Variants in SWT1 observed in about 807,000 individuals in gnomAD.
SWT1 encodes the protein transcriptional protein SWT1.
SWT1 carries 33 observed loss-of-function variants against 107.3 expected under a neutral mutation model. The observed-to-expected ratio is 0.31, with a 90% CI of 0.23 to 0.41. SWT1 has a LOEUF of 0.41. Among genes scored for constraint, SWT1 ranks in the 10% least tolerant of loss-of-function variants. The pLI, the probability that SWT1 is intolerant of heterozygous loss-of-function variation, is 1.00. For synonymous variants in SWT1, 345 were observed against 348.3 expected, an observed-to-expected ratio of 0.99 and a Z score of 0.11; for missense variants, 898 against 1,028.9, an observed-to-expected ratio of 0.87 and a Z score of 1.74.
At chr1:185,251,883 C>T (rs1035392237) in intron 16 of SWT1, among the ~76,000 whole-genome samples, 10 of 151,736 alleles carry the variant, frequency 6.6e-5, no homozygotes, top group East Asian at 5.8e-4. Context: ...CATGCTGGTG[C>T]GCTGCACCCA....
chr1:185,189,846 C>T lies in SWT1; in HGVS notation c.1430-703C>T, dbSNP rs559886163. 2.9e-4 allele frequency among the ~76,000 whole-genome samples: 43 copies of T among 149,178 alleles called. No homozygotes were observed. In the South Asian group the frequency reaches 9.0e-3, roughly 31 times the overall value. ...TTTCTTATATATGTATATATAAATA[C>T]ATATATACTTTTTTTTTTTTGAGAT... On this transcript the variant is annotated intron_variant, in intron 9 of 18. Coordinates refer to ENST00000367500, the MANE Select transcript of SWT1 (RefSeq NM_017673.7).
At chr1:185,285,732 C>A (rs1173592042) in intron 18 of SWT1, among the ~76,000 whole-genome samples, 1 of 152,100 alleles carries the variant, frequency 6.6e-6, no homozygotes, top group Non-Finnish European at 1.5e-5. Context: ...GTAAGGGGTC[C>A]AGCTTCATTC....
At chr1:185,183,431 C>T (rs1558020544) in intron 7 of SWT1, among the ~76,000 whole-genome samples, 1 of 151,978 alleles carries the variant, frequency 6.6e-6, no homozygotes. Flanking sequence ...GCTGGGACTA[C>T]AGGCGTGTGC....
intron 16 of SWT1, among the ~76,000 whole-genome samples, chr1:185,268,514 G>A (rs544695724): frequency 4.6e-5 from 7 of 152,110 alleles, no homozygotes; most frequent in Non-Finnish European, 1.0e-4. Flanking sequence ...GAGCTACTCT[G>A]GATCGTTCAC....
chr1:185,266,156 C>G lies in SWT1; in HGVS notation c.2442-5167C>G, dbSNP rs531532611. On this transcript the variant is annotated intron_variant, in intron 16 of 18. Coordinates refer to ENST00000367500, the MANE Select transcript of SWT1 (RefSeq NM_017673.7). Reference sequence around the variant, plus strand: ...TTGGCTCACTGCAAGCTCCGCCTGCCGGGTTCACGCCATTCTCCTGCCTCA... The same window carrying G: ...TTGGCTCACTGCAAGCTCCGCCTGCGGGGTTCACGCCATTCTCCTGCCTCA... 4.8e-3 allele frequency among the ~76,000 whole-genome samples: 727 copies of G among 152,228 alleles called. 6 individuals are homozygous for G. Among genetic ancestry groups the G allele is most frequent in the African/African-American group, 0.017 (686 of 41,550 alleles).
At chr1:185,171,518 C>A in intron 4 of SWT1, 1 of 351,420 alleles carries the variant, frequency 2.8e-6, no homozygotes, top group Non-Finnish European at 5.5e-6. Flanking sequence ...TGCCCTTGCT[C>A]CTTTTGATCA....
intron 3 of SWT1, among the ~76,000 whole-genome samples, chr1:185,166,890 A>G (rs1195594465): frequency 1.3e-5 from 2 of 152,118 alleles, no homozygotes; most frequent in African/African-American, 4.8e-5. Context: ...AAGTCCTCTC[A>G]CATATATATG....
chr1:185,172,276 G>A (rs41377350), intron 4 of SWT1, among the ~76,000 whole-genome samples: 1 of 152,016 alleles, frequency 6.6e-6, no homozygotes, highest in East Asian at 1.9e-4. Context: ...TAACATTTTA[G>A]CACCTTTCTG....
chr1:185,238,008 A>T, intron 16 of SWT1, among the ~76,000 whole-genome samples: 1 of 151,466 alleles, frequency 6.6e-6, no homozygotes, highest in Non-Finnish European at 1.5e-5. Context: ...TTTTTTTTAA[A>T]CAGAGTATTA....
At chr1:185,207,590 A>G (rs1658436865) in intron 13 of SWT1, among the ~76,000 whole-genome samples, 1 of 152,214 alleles carries the variant, frequency 6.6e-6, no homozygotes, top group African/African-American at 2.4e-5. Context: ...AAATAACTAG[A>G]TTTGTCTTGT....
chr1:185,168,932 ACTTGCTGC>A (rs1558007432), intron 4 of SWT1, among the ~76,000 whole-genome samples: 4 of 152,334 alleles, frequency 2.6e-5, no homozygotes, highest in African/African-American at 7.2e-5. Context: ...TGCAGAAAGT[ACTTGCTGC>A]TAATGGGGAT....
At chr1:185,166,422 C>T in intron 2 of SWT1, 150 bp from the exon 3 acceptor site, 2 of 524,030 alleles carry the variant, frequency 3.8e-6, no homozygotes, top group Non-Finnish European at 6.7e-6. Context: ...TTCCTTTTAC[C>T]AAAGTTTGTG....
chr1:185,277,702 T>C (rs1034004006), intron 18 of SWT1, among the ~76,000 whole-genome samples: 3 of 152,156 alleles, frequency 2.0e-5, no homozygotes, highest in African/African-American at 7.2e-5. Flanking sequence ...ACAACTGATA[T>C]AAAAAATACC....
At chr1:185,192,537 GC>G (rs1657041678) in intron 10 of SWT1, among the ~76,000 whole-genome samples, 1 of 152,034 alleles carries the variant, frequency 6.6e-6, no homozygotes, top group South Asian at 2.1e-4. Context: ...TCCTTCCTCA[GC>G]CCCTGAGTAG....
At chr1:185,263,451 C>T (rs1663169765) in intron 16 of SWT1, 1 of 152,340 alleles carries the variant, frequency 6.6e-6, no homozygotes, top group Admixed American at 6.6e-5. Flanking sequence ...AAAAATGTCT[C>T]TTTAGTCATG....
intron 18 of SWT1, among the ~76,000 whole-genome samples, chr1:185,285,664 T>C (rs1333855930): frequency 6.6e-6 from 1 of 152,230 alleles, no homozygotes; most frequent in Non-Finnish European, 1.5e-5. Context: ...TTTATAGTTT[T>C]AGCTCTTACA....
chr1:185,184,154 G>T, intron 7 of SWT1, 89 bp from the exon 8 acceptor site: 209 of 618,066 alleles, frequency 3.4e-4, no homozygotes, highest in East Asian at 5.0e-4. Flanking sequence ...AAATTTAATT[G>T]AATTTTCAAT....
At chr1:185,232,117 T>G (rs919172290) in intron 16 of SWT1, among the ~76,000 whole-genome samples, 20 of 152,206 alleles carry the variant, frequency 1.3e-4, no homozygotes, top group African/African-American at 2.4e-5. Flanking sequence ...GAAGGCATTT[T>G]TGCCTCTTTT....
At chr1:185,276,582 A>ACAG in intron 17 of SWT1, 22 bp from the exon 18 acceptor site, 1 of 1,426,064 alleles carries the variant, frequency 7.0e-7, no homozygotes. Context: ...ATTTTTAATA[A>ACAG]CTATATCTTG....
Sources: gnomAD v4.1 joint callset for allele counts (sites outside exome capture counted in the v4.1 genomes callset) on GRCh38, gnomAD v4.1.1 for gene constraint, MANE v1.5 for transcripts, NCBI Gene and HGNC (gene_info 2026-07-23, HGNC 2026-07-21) for gene names.